KALRN: variants seen among roughly 807,000 people sequenced by gnomAD.
KALRN encodes kalirin RhoGEF kinase, also known as kalirin.
In KALRN, 70 loss-of-function variants were observed where a neutral mutation model predicts 353.7. The ratio of observed to expected loss-of-function variants is 0.20; its 90% CI spans 0.16 to 0.24. The LOEUF is 0.24. Among genes scored for constraint, KALRN ranks in the 10% least tolerant of loss-of-function variants. The pLI, the probability that KALRN is intolerant of heterozygous loss-of-function variation, is 1.00. For missense variants in KALRN, 2,791 were observed against 3,756.7 expected (o/e 0.74, Z 6.72); for synonymous variants, 1,391 against 1,434.8 (o/e 0.97, Z 0.69).
chr3:124,581,375 A>G (rs547804560), intron 34 of KALRN, among the ~76,000 whole-genome samples: 13 of 139,550 alleles, frequency 9.3e-5, no homozygotes, highest in East Asian at 2.2e-4. Flanking sequence ...CCTGGGTGAC[A>G]GAGTGAGACT....
At chr3:124,133,647 C>G (rs995129115) in intron 1 of KALRN, among the ~76,000 whole-genome samples, 2 of 152,184 alleles carry the variant, frequency 1.3e-5, no homozygotes, top group African/African-American at 4.8e-5. Context: ...TTGCCAAGTC[C>G]CCTATCGTTC....
chr3:124,562,212 T>C (rs1402784860), intron 33 of KALRN, among the ~76,000 whole-genome samples: 1 of 152,216 alleles, frequency 6.6e-6, no homozygotes, highest in African/African-American at 2.4e-5. Context: ...TGCCTTTGAA[T>C]TGAAGCCCCA....
rs3821527 is a variant in KALRN, at chr3:124,420,574, T to C, written c.2543-2238T>C. Among the ~76,000 whole-genome samples, 12 of 152,290 alleles carry C rather than the reference T, an allele frequency of 7.9e-5. No individual in the cohort carries two copies. The East Asian group carries it at 2.3e-3, about 29-fold the overall frequency. ...ACCTCATCCCCTTGGTAATTGAAAA[T>C]AGTAACTGGAAGGAGTTGGCTGCCA... On this transcript the variant is annotated intron_variant, in intron 14 of 59. Transcript: ENST00000682506.
chr3:124,122,777 T>A (rs1474976845), intron 1 of KALRN, among the ~76,000 whole-genome samples: 1 of 152,180 alleles, frequency 6.6e-6, no homozygotes, highest in Non-Finnish European at 1.5e-5. Flanking sequence ...TGAGACGCAA[T>A]AATATTGAAA....
intron 9 of KALRN, among the ~76,000 whole-genome samples, chr3:124,339,617 A>G (rs1303011061): frequency 6.6e-6 from 1 of 152,194 alleles, no homozygotes; most frequent in Non-Finnish European, 1.5e-5. Flanking sequence ...GTGAGGAGAC[A>G]GAAATAATGA....
At chr3:124,216,503 T>C (rs1033057770) in intron 1 of KALRN, among the ~76,000 whole-genome samples, 1 of 152,234 alleles carries the variant, frequency 6.6e-6, no homozygotes, top group Non-Finnish European at 1.5e-5. Context: ...GTGTACAGTT[T>C]CATGAGGTTC....
intron 33 of KALRN, among the ~76,000 whole-genome samples, chr3:124,512,352 T>C (rs1053954584): frequency 6.6e-6 from 1 of 152,200 alleles, no homozygotes; most frequent in African/African-American, 2.4e-5. Flanking sequence ...TAATTTTGCT[T>C]TTAAACATGA....
chr3:124,166,958 TCATTTGAATCTGGGAGGCA>T lies in KALRN; in HGVS notation c.74-61031_74-61013del, dbSNP rs1284567762. Reference sequence around the variant, plus strand: ...TACTTGTGAGACTGAGACAGGAGAATCATTTGAATCTGGGAGGCAGAGGTTGCAGTGAGCCACGATCACA... The same window carrying T: ...TACTTGTGAGACTGAGACAGGAGAATGAGGTTGCAGTGAGCCACGATCACA... On this transcript the variant is annotated intron_variant, in intron 1 of 59. Coordinates refer to ENST00000682506, the MANE Select transcript of KALRN (RefSeq NM_001388419.1). Among the ~76,000 whole-genome samples the T allele has an allele frequency of 2.6e-5, 4 of 152,172 alleles. No homozygotes were observed. In the South Asian group the frequency reaches 6.2e-4, roughly 24 times the overall value.
At chr3:124,289,292 TG>T (rs1459715299) in intron 5 of KALRN, among the ~76,000 whole-genome samples, 2 of 152,194 alleles carry the variant, frequency 1.3e-5, no homozygotes, top group Non-Finnish European at 2.9e-5. Context: ...ACATGAAATT[TG>T]GGGGCACATT....
chr3:124,239,480 T>C lies in KALRN; in HGVS notation c.263+4537T>C, dbSNP rs146550562. Among the ~76,000 whole-genome samples the C allele has an allele frequency of 5.9e-5, 9 of 152,202 alleles. No homozygotes were observed. The East Asian group carries it at 1.7e-3, about 29-fold the overall frequency. On this transcript the variant is annotated intron_variant, in intron 3 of 59. Transcript: ENST00000682506. ...TCTGCTCTTAGCAGTTCCACTGAGATACTGAGTGTTCTGCCAAGGAATGTG... is the reference window on the plus strand; with the variant it reads ...TCTGCTCTTAGCAGTTCCACTGAGACACTGAGTGTTCTGCCAAGGAATGTG...
In KALRN at chr3:124,699,865, C is replaced by T. The variant is rs1453811461; in HGVS notation, c.7832-4C>T. The T allele has an allele frequency of 1.2e-6, 2 of 1,613,952 alleles. No homozygotes were observed. Among genetic ancestry groups the T allele is most frequent in the Non-Finnish European group, 1.7e-6 (2 of 1,179,956 alleles). On this transcript the variant is annotated splice_region_variant and splice_polypyrimidine_tract_variant and intron_variant, in intron 55 of 59. Transcript: ENST00000682506. ...TTTCCCTCTCCTGGGAAACTGTACA[C>T]TAGGTTCTCAGATCTGGCAGCAGTC...
chr3:124,157,038 A>G (rs2069102003), intron 1 of KALRN, among the ~76,000 whole-genome samples: 1 of 152,220 alleles, frequency 6.6e-6, no homozygotes, highest in Admixed American at 6.5e-5. Flanking sequence ...AAACCATTGT[A>G]TATAATAGAG....
At position 124,635,160 on chromosome 3, in the gene KALRN, A is replaced by G. The variant is rs75638952; in HGVS notation, c.5568+1207A>G. On this transcript the variant is annotated intron_variant, in intron 36 of 59. Coordinates refer to ENST00000682506, the MANE Select transcript of KALRN (RefSeq NM_001388419.1). ...TGACTCTGGATTATTGGGAAGAGAC[A>G]TAGTAGGAAGGCTGGTGTTATACCA... 3.9e-5 allele frequency among the ~76,000 whole-genome samples: 6 copies of G among 152,276 alleles called. No individual in the cohort carries two copies. The East Asian group carries it at 1.2e-3, about 29-fold the overall frequency.
At chr3:124,695,293 AGTG>A (rs1444303108) in intron 53 of KALRN, among the ~76,000 whole-genome samples, 2 of 152,346 alleles carry the variant, frequency 1.3e-5, no homozygotes, top group East Asian at 3.9e-4. Context: ...ACAGTGGACA[AGTG>A]GTAGCAAGCC....
chr3:124,714,631 A>G (rs749563015), intron 58 of KALRN, among the ~76,000 whole-genome samples: 1 of 152,196 alleles, frequency 6.6e-6, no homozygotes, highest in Non-Finnish European at 1.5e-5. Flanking sequence ...AGCCCTCGCT[A>G]TGCACCAACT....
At chr3:124,074,655 C>T (rs140691943) in intron 1 of KALRN, among the ~76,000 whole-genome samples, 127 of 152,314 alleles carry the variant, frequency 8.3e-4, no homozygotes, top group African/African-American at 3.0e-3. Context: ...TATCATTTCT[C>T]TTGATCAGCG....
chr3:124,537,238 C>T (rs2068597384), intron 33 of KALRN, among the ~76,000 whole-genome samples: 1 of 152,040 alleles, frequency 6.6e-6, no homozygotes, highest in South Asian at 2.1e-4. Context: ...GATGGGGTTT[C>T]ACCATGTTGG....
At chr3:124,384,730 A>C in intron 10 of KALRN, 115 bp from the exon 11 acceptor site, 1 of 1,007,748 alleles carries the variant, frequency 9.9e-7, no homozygotes, top group Non-Finnish European at 1.4e-6. Context: ...GTGCCAGATC[A>C]GGGAGCTGTC....
chr3:124,665,151 G>C (rs1244628164), intron 45 of KALRN, among the ~76,000 whole-genome samples: 1 of 152,210 alleles, frequency 6.6e-6, no homozygotes, highest in Admixed American at 6.5e-5. Flanking sequence ...TGAAGGGAAT[G>C]GCCACATTTG....
Sources: allele counts gnomAD v4.1 joint callset (sites outside exome capture counted in the v4.1 genomes callset), GRCh38; gene constraint gnomAD v4.1.1; transcripts MANE v1.5; gene names NCBI Gene and HGNC (gene_info 2026-07-23, HGNC 2026-07-21).